DOCK4: variants seen among roughly 807,000 people sequenced by gnomAD.
DOCK4 encodes the protein dedicator of cytokinesis 4.
DOCK4 carries 97 observed loss-of-function variants against 268.1 expected under a neutral mutation model. That is an observed-to-expected ratio of 0.36 (90% CI 0.31 to 0.43). The LOEUF (loss-of-function observed/expected upper bound fraction) is 0.43, where lower values mean the gene tolerates loss of function less well. DOCK4 is among the 20% of genes least tolerant of loss of function. The pLI, the probability that DOCK4 is intolerant of heterozygous loss-of-function variation, is 1.00. For missense variants in DOCK4, 2,145 were observed against 2,455.7 expected, an observed-to-expected ratio of 0.87 and a Z score of 2.67; for synonymous variants, 954 against 887.2, an observed-to-expected ratio of 1.08 and a Z score of -1.34.
At chr7:111,866,225 G>T (rs1343154437) in intron 22 of DOCK4, among the ~76,000 whole-genome samples, 1 of 152,222 alleles carries the variant, frequency 6.6e-6, no homozygotes, top group Non-Finnish European at 1.5e-5. Flanking sequence ...CCTGGTACAG[G>T]CAGAGGTGTG....
intron 45 of DOCK4, 47 bp downstream of exon 45, chr7:111,741,966 A>C: frequency 1.3e-6 from 2 of 1,516,020 alleles, no homozygotes; most frequent in Non-Finnish European, 1.8e-6. Context: ...TAACAAGCAA[A>C]CGGCAGTGAT....
intron 1 of DOCK4, among the ~76,000 whole-genome samples, chr7:112,025,893 TTC>T (rs1802743532): frequency 6.6e-6 from 1 of 152,064 alleles, no homozygotes. Flanking sequence ...CCATAAAGCC[TTC>T]CCTGGCTACT....
intron 1 of DOCK4, among the ~76,000 whole-genome samples, chr7:112,139,572 A>G (rs1332044239): frequency 6.6e-6 from 1 of 152,196 alleles, no homozygotes. Context: ...AATGAGAGGG[A>G]ACAGGGAAAG....
chr7:111,920,134 TG>T (rs1792979596), intron 12 of DOCK4, among the ~76,000 whole-genome samples: 1 of 152,032 alleles, frequency 6.6e-6, no homozygotes. Flanking sequence ...GTGGGGGATA[TG>T]GGGGTTAGGG....
Position 111,863,452 on chromosome 7 carries a change from A to G in DOCK4, c.2393T>C (p.Leu798Pro). ...GGCCTGCAGGGAATCATCCACATGCAGGATGGTCGGCAGACTGCCCAGGGT... is the reference window on the plus strand; with the variant it reads ...GGCCTGCAGGGAATCATCCACATGCGGGATGGTCGGCAGACTGCCCAGGGT... The part of the protein sequence containing the change: ...QDTLGSLPTI[L>P]HVDDSLQAIK... Residue 798 changes from leucine to proline, a missense_variant, in exon 23 of 53, where the codon CTG (leucine) becomes CCG (proline). By Grantham distance (98) the Leu-to-Pro change is moderately conservative. Around this residue, in one of 2 missense-constraint regions of DOCK4, gnomAD observed 1,598 missense variants for 1,986.7 expected, o/e 0.80. Transcript: ENST00000428084. The G allele has an allele frequency of 6.2e-7, 1 of 1,614,064 alleles. No homozygotes were observed. The highest frequency in any genetic ancestry group is 8.5e-7 in the Non-Finnish European group (1 of 1,179,904).
At chr7:111,844,991 G>C (rs1803984489) in intron 24 of DOCK4, 94 bp from the exon 25 acceptor site, 1 of 1,481,594 alleles carries the variant, frequency 6.7e-7, no homozygotes, top group Admixed American at 2.1e-5. Context: ...CAGAGAACTT[G>C]AGGCATGGAT....
At chr7:111,818,949 G>C (rs1053397967) in intron 27 of DOCK4, among the ~76,000 whole-genome samples, 1 of 152,146 alleles carries the variant, frequency 6.6e-6, no homozygotes, top group African/African-American at 2.4e-5. Context: ...TCATATCACG[G>C]TGCTCTTTGT....
intron 1 of DOCK4, among the ~76,000 whole-genome samples, chr7:112,140,337 G>A (rs1814784396): frequency 6.6e-6 from 1 of 152,144 alleles, no homozygotes; most frequent in Admixed American, 6.5e-5. Context: ...GCAATGTCCA[G>A]ACCACACCCA....
intron 32 of DOCK4, among the ~76,000 whole-genome samples, chr7:111,787,063 T>G (rs1025971502): frequency 6.6e-6 from 1 of 152,316 alleles, no homozygotes; most frequent in Non-Finnish European, 1.5e-5. Context: ...ATTGGTTTGA[T>G]TCTCATGTCG....
chr7:112,178,670 T>G (rs1471074556), intron 1 of DOCK4, among the ~76,000 whole-genome samples: 1 of 152,226 alleles, frequency 6.6e-6, no homozygotes, highest in East Asian at 1.9e-4. Context: ...GACAAGCACA[T>G]TTTTTGGTTT....
chr7:112,179,790 C>T (rs1442144846), intron 1 of DOCK4, among the ~76,000 whole-genome samples: 1 of 152,030 alleles, frequency 6.6e-6, no homozygotes, highest in African/African-American at 2.4e-5. Context: ...GATTTAAAAC[C>T]CCTCAAAATC....
At chr7:112,133,911 A>AT (rs569921304) in intron 1 of DOCK4, among the ~76,000 whole-genome samples, 31 of 151,502 alleles carry the variant, frequency 2.0e-4, no homozygotes, top group Non-Finnish European at 3.7e-4. Flanking sequence ...TTGTGAAATA[A>AT]TTTTTTTTTA....
chr7:111,759,797 A>C (rs1222741276), intron 40 of DOCK4, among the ~76,000 whole-genome samples: 1 of 78,658 alleles, frequency 1.3e-5, no homozygotes, highest in African/African-American at 5.1e-5. Context: ...GGGTGGGGGG[A>C]GGGGTGAATA....
At chr7:111,989,235 A>G in intron 5 of DOCK4, 72 bp from the exon 6 acceptor site, 1 of 1,578,514 alleles carries the variant, frequency 6.3e-7, no homozygotes. Flanking sequence ...CAAAAAGGAA[A>G]GGGAAGAGGC....
chr7:111,733,037 C>T (rs541934489), intron 51 of DOCK4, among the ~76,000 whole-genome samples: 83 of 152,280 alleles, frequency 5.5e-4, no homozygotes, highest in African/African-American at 1.8e-3. Context: ...AAAGCATAGC[C>T]CTGTATGGTA....
At chr7:111,732,351 T>C in intron 51 of DOCK4, 64 bp from the exon 52 acceptor site, 1 of 1,549,950 alleles carries the variant, frequency 6.5e-7, no homozygotes, top group Non-Finnish European at 8.9e-7. Flanking sequence ...TATCTGCACA[T>C]GCCCTCTGTG....
chr7:112,075,664 G>T (rs897211031), intron 1 of DOCK4, among the ~76,000 whole-genome samples: 1 of 152,002 alleles, frequency 6.6e-6, no homozygotes, highest in African/African-American at 2.4e-5. Context: ...CTGAACCAAA[G>T]ATTTTCATTA....
intron 13 of DOCK4, among the ~76,000 whole-genome samples, chr7:111,902,782 GA>G (rs968255658): frequency 1.1e-4 from 17 of 149,728 alleles, no homozygotes; most frequent in Non-Finnish European, 2.1e-4. Flanking sequence ...TTTTTTTTGA[GA>G]AAAAAAAGGG....
chr7:111,756,515 T>G (rs943628868), intron 41 of DOCK4, among the ~76,000 whole-genome samples: 2 of 148,062 alleles, frequency 1.4e-5, no homozygotes, highest in African/African-American at 5.0e-5. Flanking sequence ...TTGTTTGAAC[T>G]GCTGTTAATA....
Sources: gnomAD v4.1 joint callset for allele counts (sites outside exome capture counted in the v4.1 genomes callset) on GRCh38, gnomAD v4.1.1 for gene constraint, gnomAD v4.1.1 regional missense constraint, MANE v1.5 for transcripts, NCBI Gene and HGNC (gene_info 2026-07-23, HGNC 2026-07-21) for gene names.